The following ZNF527 variants were observed in gnomAD, a reference collection of about 807,000 sequenced individuals.
The protein encoded by ZNF527 is zinc finger protein 527.
ZNF527 carries 5 observed loss-of-function variants against 13.5 expected under a neutral mutation model. The ratio of observed to expected loss-of-function variants is 0.37; its 90% CI spans 0.19 to 0.78. ZNF527 has a LOEUF of 0.78. ZNF527 is among the 30% of genes least tolerant of loss of function. The pLI, the probability that ZNF527 is intolerant of heterozygous loss-of-function variation, is 0.48. For missense variants in ZNF527, 628 were observed against 726.4 expected (o/e 0.86, Z 1.56); for synonymous variants, 209 against 243.1 (o/e 0.86, Z 1.30).
rs910307822 is a variant in ZNF527, at chr19:37,389,502, C to G, written c.1453C>G (p.Leu485Val). ...CGKFFRTDSQ[L>V]NRHHRIHTGE... ...GAAGTTTTTTAGGACTGACTCACAA[C>G]TTAATCGACATCATAGAATTCACAC... Residue 485 changes from leucine (L) to valine (V), a missense_variant, in exon 5 of 5, where the codon CTT (leucine) becomes GTT (valine). By Grantham distance (32) the Leu-to-Val change is conservative. Transcript: ENST00000436120. 7 of 1,614,150 alleles carry G rather than the reference C, an allele frequency of 4.3e-6. No individual in the cohort carries two copies. The highest frequency in any genetic ancestry group is 5.9e-6 in the Non-Finnish European group (7 of 1,180,030).
rs1369073096 is a variant in ZNF527, at chr19:37,391,584, A to ATT, written c.*1705_*1706insTT. On this transcript the variant is annotated 3_prime_UTR_variant, in exon 5 of 5. Transcript: ENST00000436120. ...AACTCCTTCTCAAAAAAAAAAAAAA[A>ATT]AAAAAAATAAATAAATAAATAAATA... The ATT allele has an allele frequency of 8.4e-6, 1 of 119,578 alleles. No individual in the cohort carries two copies. Among genetic ancestry groups the ATT allele is most frequent in the African/African-American group, 3.2e-5 (1 of 31,188 alleles). The allele number at this position is 119,578 out of a possible 1,614,324, so 7.4% of individuals were successfully genotyped here.
chr19:37,386,025 A>G (rs1369074696), intron 4 of ZNF527, among the ~76,000 whole-genome samples: 1 of 150,824 alleles, frequency 6.6e-6, no homozygotes, highest in Non-Finnish European at 1.5e-5. Flanking sequence ...TCTCCCTTTA[A>G]TGGACTCTTT....
Position 37,388,311 on chromosome 19 carries a change from G to A in ZNF527, c.262G>A (p.Glu88Lys). The A allele has an allele frequency of 1.9e-6, 3 of 1,610,740 alleles. No individual in the cohort carries two copies. The highest frequency in any genetic ancestry group is 2.5e-6 in the Non-Finnish European group (3 of 1,177,708). The change falls in exon 5 of 5, where the codon GAG (glutamate) becomes AAG (lysine). Residue 88 changes from glutamate to lysine, a missense_variant. Coordinates refer to ENST00000436120, the MANE Select transcript of ZNF527 (RefSeq NM_032453.2). ...GCTTTCTTGATATTTTTCAGACTGG[G>A]AGTCTTGGTGTGAAATTGAGGAATT... ...KMSQGHCADW[E>K]SWCEIEELSP...
In ZNF527 at chr19:37,389,449, A is replaced by G; in HGVS notation, c.1400A>G (p.Glu467Gly). ...LNQHQRIHTGEKPYECIKCGK... is the reference protein window; with the variant it reads ...LNQHQRIHTGGKPYECIKCGK... ...CAACATCAGAGAATTCATACCGGAG[A>G]AAAGCCCTATGAATGCATCAAATGT... Residue 467 changes from glutamate to glycine, a missense_variant, in exon 5 of 5, where the codon GAA becomes GGA. Transcript: ENST00000436120. 2 of 1,614,148 alleles carry G rather than the reference A, an allele frequency of 1.2e-6. No individual in the cohort carries two copies. Among genetic ancestry groups the G allele is most frequent in the Non-Finnish European group, 1.7e-6 (2 of 1,180,030 alleles).
chr19:37,376,464 A>G (rs963785972), intron 2 of ZNF527, among the ~76,000 whole-genome samples: 4 of 152,166 alleles, frequency 2.6e-5, no homozygotes, highest in African/African-American at 9.7e-5. Flanking sequence ...ACCTGAGGTC[A>G]GGAGTTCAAG....
intron 1 of ZNF527, among the ~76,000 whole-genome samples, chr19:37,371,545 A>T (rs1183774123): frequency 6.6e-6 from 1 of 152,002 alleles, no homozygotes; most frequent in Admixed American, 6.6e-5. Flanking sequence ...CTGGGGTGTG[A>T]CATTGTGTGT....
chr19:37,389,100 A>T lies in ZNF527; in HGVS notation c.1051A>T (p.Ile351Phe). Residue 351 changes from isoleucine (I) to phenylalanine (F), a missense_variant, in exon 5 of 5, where the codon ATC (isoleucine) becomes TTC (phenylalanine). Physicochemically the swap from Ile to Phe is conservative, Grantham distance 21 (BLOSUM62 0). Around this residue, in one of 3 missense-constraint regions of ZNF527, gnomAD observed 592 missense variants for 678.0 expected, o/e 0.87. Transcript: ENST00000436120. Reference protein sequence around the residue: ...QSAHLAQHQRIHTGEKPFACN... With the variant: ...QSAHLAQHQRFHTGEKPFACN... ...TGCTCACCTTGCTCAACATCAGAGG[A>T]TCCACACTGGAGAGAAACCGTTTGC... 1.9e-6 allele frequency: 3 copies of T among 1,614,244 alleles called. No individual in the cohort carries two copies. The highest frequency in any genetic ancestry group is 1.7e-6 in the Non-Finnish European group (2 of 1,180,040).
At chr19:37,388,217 C>G (rs554999149) in intron 4 of ZNF527, 89 bp from the exon 5 acceptor site, 2 of 1,459,864 alleles carry the variant, frequency 1.4e-6, no homozygotes, top group East Asian at 2.3e-5. Flanking sequence ...CTCCTTCCCC[C>G]CAGTTAAATT....
intron 2 of ZNF527, among the ~76,000 whole-genome samples, chr19:37,375,367 C>CTTTTT (rs747311868): frequency 1.2e-5 from 1 of 81,386 alleles, no homozygotes; most frequent in Non-Finnish European, 2.7e-5. Flanking sequence ...CTTTTCTTTT[C>CTTTTT]TTTTTTTTTT....
At chr19:37,382,002 T>A (rs1398029107) in intron 4 of ZNF527, among the ~76,000 whole-genome samples, 29 of 152,202 alleles carry the variant, frequency 1.9e-4, no homozygotes, top group Admixed American at 1.9e-3. Context: ...GTTTCTCAAA[T>A]CGTTCCAGCT....
In ZNF527 at chr19:37,379,137, A is replaced by C. The variant is rs1485356875; in HGVS notation, c.51A>C (p.Arg17Ser). ...KAMSQGLVTF[R>S]DVALDFSQEE... Reference sequence around the variant, plus strand: ...TATTTCAGGGGTTGGTGACCTTCAGAGATGTGGCGCTAGACTTTTCCCAAG... The same window carrying C: ...TATTTCAGGGGTTGGTGACCTTCAGCGATGTGGCGCTAGACTTTTCCCAAG... The change falls in exon 3 of 5, where the codon AGA (arginine) becomes AGC (serine). Residue 17 changes from arginine (R) to serine (S), a missense_variant. Physicochemically the swap from Arg to Ser is moderately radical, Grantham distance 110 (BLOSUM62 -1). Around this residue, in one of 3 missense-constraint regions of ZNF527, gnomAD observed 33 missense variants for 31.2 expected, o/e 1.06. Coordinates refer to ENST00000436120, the MANE Select transcript of ZNF527 (RefSeq NM_032453.2). 1.2e-6 allele frequency: 2 copies of C among 1,613,962 alleles called. No homozygotes were observed. Among genetic ancestry groups the C allele is most frequent in the Non-Finnish European group, 1.7e-6 (2 of 1,180,012 alleles).
In ZNF527 at chr19:37,389,691, C is replaced by A; in HGVS notation, c.1642C>A (p.His548Asn). ...ATATCTTAATCAACATCAAAGAATT[C>A]ATACTGGAGAGAAACCCTATGAATG... ...GSYLNQHQRI[H>N]TGEKPYECSE... is the part of the protein sequence containing the mutation. The change falls in exon 5 of 5, where the codon CAT becomes AAT. Residue 548 changes from histidine to asparagine, a missense_variant. This residue lies in a region of ZNF527 where 592 missense variants were observed against 678.0 expected (regional missense o/e 0.87). Transcript: ENST00000436120. 6.2e-7 allele frequency: 1 copy of A among 1,614,068 alleles called. No homozygotes were observed. Among genetic ancestry groups the A allele is most frequent in the East Asian group, 2.2e-5 (1 of 44,866 alleles).
intron 3 of ZNF527, 99 bp from the exon 4 acceptor site, chr19:37,380,178 A>G: frequency 3.3e-6 from 5 of 1,512,916 alleles, no homozygotes; most frequent in Non-Finnish European, 4.4e-6. Flanking sequence ...CCTGATGATC[A>G]AGATATTGGG....
At chr19:37,377,394 C>T (rs1464410578) in intron 2 of ZNF527, among the ~76,000 whole-genome samples, 1 of 151,886 alleles carries the variant, frequency 6.6e-6, no homozygotes, top group Non-Finnish European at 1.5e-5. Context: ...AAAGTGAGAT[C>T]GGGATGAGTT....
At chr19:37,385,427 A>G in intron 4 of ZNF527, 1 of 398,662 alleles carries the variant, frequency 2.5e-6, no homozygotes, top group Non-Finnish European at 4.4e-6. Context: ...TTCCACAATG[A>G]TAGGGAATTT....
intron 3 of ZNF527, 136 bp downstream of exon 3, chr19:37,379,382 G>T: frequency 1.4e-6 from 1 of 730,226 alleles, no homozygotes. Flanking sequence ...CCCAGGAAAT[G>T]ATTTGAAATA....
At chr19:37,374,639 GTTA>G (rs905533932) in intron 2 of ZNF527, among the ~76,000 whole-genome samples, 7 of 152,190 alleles carry the variant, frequency 4.6e-5, no homozygotes, top group Non-Finnish European at 1.0e-4. Context: ...GGAGTACAAA[GTTA>G]TTATGGTGGG....
intron 1 of ZNF527, among the ~76,000 whole-genome samples, chr19:37,371,443 G>A (rs970465707): frequency 6.6e-6 from 1 of 152,184 alleles, no homozygotes; most frequent in African/African-American, 2.4e-5. Context: ...GTGTGTGACT[G>A]TAACCATCTG....
In ZNF527 at chr19:37,390,675, T is replaced by C. The variant is rs1002215628; in HGVS notation, c.*796T>C. The C allele has an allele frequency of 1.3e-5, 2 of 152,194 alleles. No individual in the cohort carries two copies. The highest frequency in any genetic ancestry group is 2.9e-5 in the Non-Finnish European group (2 of 68,022). 9.4% of individuals were successfully genotyped at this position (152,194 alleles called of 1,614,324 possible). On this transcript the variant is annotated 3_prime_UTR_variant, in exon 5 of 5. Transcript: ENST00000436120. ...GAGATGAGAGACAGAAATATGATGA[T>C]ACAGCTTGATCTCCTGGATCCAGTC... is the stretch of plus-strand genomic sequence containing the variant.
Sources: gnomAD v4.1 joint callset for allele counts (sites outside exome capture counted in the v4.1 genomes callset) on GRCh38, gnomAD v4.1.1 for gene constraint, gnomAD v4.1.1 regional missense constraint, MANE v1.5 for transcripts, NCBI Gene and HGNC (gene_info 2026-07-23, HGNC 2026-07-21) for gene names.